Variants in ZNF708 observed in about 807,000 individuals in gnomAD.
ZNF708 encodes zinc finger protein 708.
In ZNF708, 44 loss-of-function variants were observed where a neutral mutation model predicts 47.0. The ratio of observed to expected loss-of-function variants is 0.94; its 90% CI spans 0.74 to 1.20. The LOEUF (loss-of-function observed/expected upper bound fraction) is 1.20. ZNF708 is among the 50% of genes most tolerant of loss of function. The pLI is 0.00. For synonymous variants in ZNF708, 184 were observed against 218.5 expected, an observed-to-expected ratio of 0.84 and a Z score of 1.39; for missense variants, 557 against 656.0, an observed-to-expected ratio of 0.85 and a Z score of 1.65.
intron 1 of ZNF708, among the ~76,000 whole-genome samples, chr19:21,321,157 A>C (rs904531560): frequency 1.3e-5 from 2 of 152,010 alleles, no homozygotes; most frequent in Non-Finnish European, 1.5e-5. Context: ...AAAAGAAAAG[A>C]AAAGAAAAGA....
Position 21,294,528 on chromosome 19 carries a change from C to A in ZNF708, c.438G>T (p.Val146=). The A allele has an allele frequency of 1.2e-6, 2 of 1,614,166 alleles. No individual in the cohort carries two copies. The highest frequency in any genetic ancestry group is 1.7e-6 in the Non-Finnish European group (2 of 1,180,020). ...CATTTGAATATTTATGAAAGACTTT[C>A]ACGTATTTGTCACACTGAACTATTT... ...QSKIVQCDKY[V]KVFHKYSNAK... Residue 146 remains valine, a synonymous_variant, in exon 4 of 4, where the codon GTG becomes GTT. Coordinates refer to ENST00000356929, the MANE Select transcript of ZNF708 (RefSeq NM_021269.3).
Position 21,294,338 on chromosome 19 carries a change from T to C in ZNF708, c.628A>G (p.Asn210Asp), listed in dbSNP as rs1972480944. 1 of 1,613,134 alleles carries C rather than the reference T, an allele frequency of 6.2e-7. No homozygotes were observed. Among genetic ancestry groups the C allele is most frequent in the African/African-American group, 1.3e-5 (1 of 74,868 alleles). ...ECGKAFKKSSNLTNHKIIHTG... is the reference protein window; with the variant it reads ...ECGKAFKKSSDLTNHKIIHTG... ...TGAATTATCTTATGATTCGTAAGGTTTGAGGACTTTTTAAAAGCTTTGCCA... is the reference window on the plus strand; with the variant it reads ...TGAATTATCTTATGATTCGTAAGGTCTGAGGACTTTTTAAAAGCTTTGCCA... The change falls in exon 4 of 4, where the codon AAC becomes GAC. Residue 210 changes from asparagine (N) to aspartate (D), a missense_variant. Physicochemically the swap from Asn to Asp is conservative, Grantham distance 23 (BLOSUM62 1). Transcript: ENST00000356929.
At position 21,294,224 on chromosome 19, in the gene ZNF708, C is replaced by T; in HGVS notation, c.742G>A (p.Gly248Arg). ...TLTRHKIIHT[G>R]EKLYKCEECG... is the part of the protein sequence containing the mutation. ...TCTTCACATTTGTAGAGTTTCTCTC[C>T]AGTATGAATTATCTTATGTCTAGTA... Residue 248 changes from glycine to arginine, a missense_variant, in exon 4 of 4, where the codon GGA becomes AGA. Transcript: ENST00000356929. 3 of 1,612,680 alleles carry T rather than the reference C, an allele frequency of 1.9e-6. No homozygotes were observed. The highest frequency in any genetic ancestry group is 2.5e-6 in the Non-Finnish European group (3 of 1,179,910).
intron 1 of ZNF708, among the ~76,000 whole-genome samples, chr19:21,311,155 G>A (rs1400348061): frequency 2.0e-5 from 3 of 151,928 alleles, no homozygotes; most frequent in Non-Finnish European, 4.4e-5. Flanking sequence ...TAAGTAAAAG[G>A]GCCTGTGTTT....
At chr19:21,309,073 T>G (rs1972844669) in intron 3 of ZNF708, among the ~76,000 whole-genome samples, 173 bp downstream of exon 3, 1 of 152,188 alleles carries the variant, frequency 6.6e-6, no homozygotes, top group African/African-American at 2.4e-5. Flanking sequence ...GTAGAATTTT[T>G]AAAGAATTTA....
chr19:21,316,006 T>C (rs757244870), intron 1 of ZNF708, among the ~76,000 whole-genome samples: 60 of 149,536 alleles, frequency 4.0e-4, no homozygotes, highest in Non-Finnish European at 7.5e-4. Context: ...GAGGCGGAGA[T>C]TGCAGTGAGC....
chr19:21,307,035 A>G (rs1972785577), intron 3 of ZNF708: 2 of 141,998 alleles, frequency 1.4e-5, no homozygotes. Context: ...CATAACATAC[A>G]TAAAATAAAA....
At chr19:21,321,758 G>GA (rs1188777238) in intron 1 of ZNF708, among the ~76,000 whole-genome samples, 1 of 149,986 alleles carries the variant, frequency 6.7e-6, no homozygotes, top group Non-Finnish European at 1.5e-5. Flanking sequence ...GAGAAAATTA[G>GA]AAAAAAATAC....
At chr19:21,306,505 TA>T (rs1425518274) in intron 3 of ZNF708, among the ~76,000 whole-genome samples, 9 of 151,782 alleles carry the variant, frequency 5.9e-5, no homozygotes. Flanking sequence ...GAGAAACACA[TA>T]AAAAAGAAAA....
chr19:21,318,874 TA>T (rs1306338794), intron 1 of ZNF708, among the ~76,000 whole-genome samples: 1 of 152,218 alleles, frequency 6.6e-6, no homozygotes, highest in Non-Finnish European at 1.5e-5. Flanking sequence ...TGAAAGACAC[TA>T]AAATTATGCT....
intron 3 of ZNF708, among the ~76,000 whole-genome samples, chr19:21,296,709 T>C (rs1972533458): frequency 6.6e-6 from 1 of 152,076 alleles, no homozygotes; most frequent in Non-Finnish European, 1.5e-5. Flanking sequence ...GGGAAAGATA[T>C]TTACATACAC....
At chr19:21,317,115 T>C (rs1038273326) in intron 1 of ZNF708, among the ~76,000 whole-genome samples, 1 of 94,646 alleles carries the variant, frequency 1.1e-5, no homozygotes, top group Non-Finnish European at 2.1e-5. Flanking sequence ...CTACTACAAA[T>C]ACAAAAAAAA....
chr19:21,299,777 A>C (rs1057093599), intron 3 of ZNF708, among the ~76,000 whole-genome samples: 12 of 151,910 alleles, frequency 7.9e-5, no homozygotes, highest in Non-Finnish European at 1.0e-4. Context: ...CATCTCAAAA[A>C]AAAAAAAAAA....
intron 1 of ZNF708, among the ~76,000 whole-genome samples, chr19:21,316,133 C>CTT (rs544312163): frequency 0.18 from 19,388 of 105,372 alleles, 2,181 homozygotes; most frequent in Non-Finnish European, 0.22. Flanking sequence ...TTTCTTTTTT[C>CTT]TTTTTTTTTT....
intron 3 of ZNF708, among the ~76,000 whole-genome samples, chr19:21,308,531 G>A (rs1487861189): frequency 1.3e-5 from 2 of 151,892 alleles, no homozygotes; most frequent in East Asian, 1.9e-4. Context: ...CACCCATCTC[G>A]GCCTCCCACA....
intron 3 of ZNF708, among the ~76,000 whole-genome samples, chr19:21,300,358 TAGTC>T (rs1403932983): frequency 6.6e-5 from 10 of 151,506 alleles, no homozygotes; most frequent in Non-Finnish European, 1.3e-4. Flanking sequence ...AATACAAAAT[TAGTC>T]AGGCATGGTG....
Position 21,293,403 on chromosome 19 carries a change from T to C in ZNF708, c.1563A>G (p.Lys521=). The C allele has an allele frequency of 6.2e-7, 1 of 1,611,726 alleles. No individual in the cohort carries two copies. Among genetic ancestry groups the C allele is most frequent in the Non-Finnish European group, 8.5e-7 (1 of 1,178,838 alleles). The change falls in exon 4 of 4, where the codon AAA becomes AAG. Residue 521 remains lysine (K), a synonymous_variant. Transcript: ENST00000356929. The stretch of plus-strand genomic sequence containing the variant: ...TCTCTCCAGTATGAATTATCTTATG[T>C]TTCATAAGGGTTGAGGACTGGTTAA... ...KAFNQSSTLM[K]HKIIHTGEKP... is the part of the protein sequence containing the mutation.
At chr19:21,321,390 C>G (rs990119590) in intron 1 of ZNF708, among the ~76,000 whole-genome samples, 2 of 151,962 alleles carry the variant, frequency 1.3e-5, no homozygotes, top group African/African-American at 2.4e-5. Context: ...GAGTTCGAGA[C>G]CAGTCTGGCC....
intron 1 of ZNF708, chr19:21,328,095 G>T: frequency 1.3e-6 from 1 of 763,800 alleles, no homozygotes; most frequent in Non-Finnish European, 1.6e-6. Context: ...ACTGAAGGGT[G>T]GCTGAAGACA....
Sources: gnomAD v4.1 joint callset for allele counts (sites outside exome capture counted in the v4.1 genomes callset) on GRCh38, gnomAD v4.1.1 for gene constraint, MANE v1.5 for transcripts, NCBI Gene and HGNC (gene_info 2026-07-23, HGNC 2026-07-21) for gene names.